The following PRKN variants were observed in gnomAD, a reference collection of about 807,000 sequenced individuals.
PRKN encodes the protein parkin RBR E3 ubiquitin protein ligase.
In PRKN, 56 loss-of-function variants were observed where a neutral mutation model predicts 59.5. The ratio of observed to expected loss-of-function variants is 0.94; its 90% CI spans 0.76 to 1.18. The LOEUF is 1.18. Ranked by LOEUF, PRKN falls within the 50% of genes most tolerant of loss-of-function variation. The probability of loss-of-function intolerance (pLI) is 0.00; values close to 1 mark genes in which losing one functional copy is unlikely to be tolerated. For missense variants in PRKN, 657 were observed against 596.4 expected (o/e 1.10, Z -1.06); for synonymous variants, 250 against 222.1 (o/e 1.13, Z -1.12).
At chr6:162,368,405 G>C (rs1785567354) in intron 2 of PRKN, among the ~76,000 whole-genome samples, 1 of 152,190 alleles carries the variant, frequency 6.6e-6, no homozygotes, top group South Asian at 2.1e-4. Context: ...CCAAATGCCA[G>C]GAATTTCTAC....
At chr6:161,367,825 G>T (rs1785271013) in intron 10 of PRKN, among the ~76,000 whole-genome samples, 1 of 152,164 alleles carries the variant, frequency 6.6e-6, no homozygotes, top group African/African-American at 2.4e-5. Flanking sequence ...GTGCGGCAGG[G>T]GCTCTGCCCA....
intron 6 of PRKN, among the ~76,000 whole-genome samples, chr6:161,859,366 A>G (rs1329810118): frequency 6.6e-6 from 1 of 151,928 alleles, no homozygotes. Flanking sequence ...GCACTTTGGG[A>G]GGCCAAGGCG....
chr6:161,972,118 T>C (rs1291891440), intron 6 of PRKN, among the ~76,000 whole-genome samples: 2 of 151,776 alleles, frequency 1.3e-5, no homozygotes, highest in Non-Finnish European at 2.9e-5. Flanking sequence ...CTACTAAAAA[T>C]ACAAAATAAG....
chr6:162,436,453 T>C (rs1005821388), intron 2 of PRKN, among the ~76,000 whole-genome samples: 15 of 151,478 alleles, frequency 9.9e-5, no homozygotes, highest in African/African-American at 3.6e-4. Context: ...CGCCTCAGCC[T>C]TCCACGTAGC....
chr6:162,481,495 G>A (rs374889919), intron 1 of PRKN, among the ~76,000 whole-genome samples: 3 of 152,270 alleles, frequency 2.0e-5, no homozygotes, highest in South Asian at 2.1e-4. Context: ...CCATTAAGTG[G>A]AAATTCAAGG....
intron 1 of PRKN, among the ~76,000 whole-genome samples, chr6:162,552,682 G>A (rs1333665422): frequency 1.3e-5 from 2 of 152,104 alleles, no homozygotes; most frequent in Non-Finnish European, 2.9e-5. Flanking sequence ...TGAGACGGGA[G>A]TGCTGAGAGG....
At chr6:161,611,636 C>A (rs79176798) in intron 7 of PRKN, among the ~76,000 whole-genome samples, 7 of 152,178 alleles carry the variant, frequency 4.6e-5, no homozygotes, top group African/African-American at 1.7e-4. Context: ...ACTAACCAGA[C>A]CTTCCCCTGT....
intron 4 of PRKN, among the ~76,000 whole-genome samples, chr6:162,096,325 T>A (rs1779729105): frequency 6.6e-6 from 1 of 152,206 alleles, no homozygotes; most frequent in Admixed American, 6.5e-5. Flanking sequence ...TTTTGTGTAG[T>A]TTTAAAAGTA....
intron 1 of PRKN, among the ~76,000 whole-genome samples, chr6:162,692,822 A>T (rs1032247647): frequency 6.6e-6 from 1 of 152,184 alleles, no homozygotes; most frequent in Non-Finnish European, 1.5e-5. Context: ...GCTTTTTATA[A>T]TAGATTTTAT....
intron 4 of PRKN, among the ~76,000 whole-genome samples, chr6:162,121,500 A>G (rs1780914488): frequency 6.6e-6 from 1 of 152,212 alleles, no homozygotes; most frequent in South Asian, 2.1e-4. Context: ...TTATCAAGAA[A>G]TGTGTAAGGC....
chr6:161,597,078 A>C (rs544332395), intron 7 of PRKN, among the ~76,000 whole-genome samples: 55 of 152,190 alleles, frequency 3.6e-4, no homozygotes, highest in Non-Finnish European at 6.3e-4. Flanking sequence ...TCAAAAGAAC[A>C]AGAGGCTTTG....
chr6:161,365,968 G>A (rs1035598239), intron 10 of PRKN, among the ~76,000 whole-genome samples: 1 of 152,198 alleles, frequency 6.6e-6, no homozygotes, highest in African/African-American at 2.4e-5. Context: ...TCACCTGCAA[G>A]GATATGTACC....
intron 9 of PRKN, among the ~76,000 whole-genome samples, chr6:161,403,139 C>T (rs1042611660): frequency 1.3e-5 from 2 of 152,092 alleles, no homozygotes; most frequent in Non-Finnish European, 2.9e-5. Context: ...CAGTGCTGGG[C>T]GCCCTTCCTC....
chr6:161,910,354 A>C (rs9365350), intron 6 of PRKN, among the ~76,000 whole-genome samples: 6,789 of 152,180 alleles, frequency 0.045, 240 homozygotes, highest in South Asian at 0.15. Context: ...TCCTGGGTTC[A>C]AGCGATTCTC....
At chr6:161,642,070 G>A (rs962335449) in intron 7 of PRKN, among the ~76,000 whole-genome samples, 3 of 152,288 alleles carry the variant, frequency 2.0e-5, no homozygotes, top group African/African-American at 7.2e-5. Context: ...CACTACTGTA[G>A]ATTAAATTAT....
intron 5 of PRKN, among the ~76,000 whole-genome samples, chr6:162,027,741 G>A (rs1467177238): frequency 6.6e-6 from 1 of 151,948 alleles, no homozygotes. Flanking sequence ...TGGGGGGTGG[G>A]AAGGGGCATG....
chr6:162,554,630 C>T (rs536436668), intron 1 of PRKN, among the ~76,000 whole-genome samples: 3 of 135,790 alleles, frequency 2.2e-5, no homozygotes, highest in South Asian at 2.3e-4. Context: ...AGTGGCAACA[C>T]GGGGTGGGGG....
intron 2 of PRKN, among the ~76,000 whole-genome samples, chr6:162,263,000 G>C (rs1448274833): frequency 3.9e-5 from 6 of 152,110 alleles, no homozygotes; most frequent in Non-Finnish European, 8.8e-5. Context: ...ATAGAATGCT[G>C]ACGTCATATT....
At chr6:162,406,553 T>A (rs951683864) in intron 2 of PRKN, among the ~76,000 whole-genome samples, 1 of 152,216 alleles carries the variant, frequency 6.6e-6, no homozygotes, top group Non-Finnish European at 1.5e-5. Flanking sequence ...CACAATTTCT[T>A]AATTATTGAC....
Sources: gnomAD v4.1 joint callset for allele counts (sites outside exome capture counted in the v4.1 genomes callset) on GRCh38, gnomAD v4.1.1 for gene constraint, MANE v1.5 for transcripts, NCBI Gene and HGNC (gene_info 2026-07-23, HGNC 2026-07-21) for gene names.